Variants in SNHG17 observed in about 807,000 individuals in gnomAD.
The protein encoded by SNHG17 is small nucleolar RNA host gene 17 (non-protein coding).
intron 6 of SNHG17, chr20:38,421,668 G>C (rs984043257): frequency 4.6e-5 from 7 of 152,296 alleles, no homozygotes; most frequent in African/African-American, 1.7e-4. Context: ...TCCAGGGTTT[G>C]AAAGGGAAGG....
intron 2 of SNHG17, chr20:38,431,249 G>A (rs1223489693): frequency 6.6e-6 from 1 of 152,238 alleles, no homozygotes; most frequent in Non-Finnish European, 1.5e-5. Flanking sequence ...CTGACAGCTT[G>A]TCTAGCCCAT....
At chr20:38,430,000 T>C (rs527934580) in intron 3 of SNHG17, among the ~76,000 whole-genome samples, 1 of 152,184 alleles carries the variant, frequency 6.6e-6, no homozygotes, top group Non-Finnish European at 1.5e-5. Flanking sequence ...GGCAGAAATA[T>C]TGAGAATCCT....
intron 5 of SNHG17, among the ~76,000 whole-genome samples, chr20:38,423,021 G>C (rs2084184735): frequency 6.6e-6 from 1 of 151,854 alleles, no homozygotes; most frequent in African/African-American, 2.4e-5. Context: ...GAACCTGGGA[G>C]GTGGAGGTTG....
In SNHG17 at chr20:38,434,343, T is replaced by G. The variant is rs181211247; in HGVS notation, n.308+161A>C. Among the ~76,000 whole-genome samples, 242 of 152,342 alleles carry G rather than the reference T, an allele frequency of 1.6e-3. 3 individuals are homozygous for G. The highest frequency in any genetic ancestry group is 3.1e-3 in the South Asian group (15 of 4,828). Reference sequence around the variant, plus strand: ...GGAATGAAGGAACTTAGCTAGCATGTGACCCCAAGCGCAGCCCGTCTCCTA... The same window carrying G: ...GGAATGAAGGAACTTAGCTAGCATGGGACCCCAAGCGCAGCCCGTCTCCTA... On this transcript the variant is annotated intron_variant and non_coding_transcript_variant, in intron 2 of 8. Transcript: ENST00000654008.
chr20:38,425,983 C>A (rs1277537541), exon 5 of SNHG17: 1 of 149,254 alleles, frequency 6.7e-6, no homozygotes, highest in Admixed American at 6.8e-5. Flanking sequence ...CACTTGAGCC[C>A]AGGTCGAGGC....
chr20:38,422,816 C>T (rs1413731611), intron 5 of SNHG17, among the ~76,000 whole-genome samples: 3 of 152,124 alleles, frequency 2.0e-5, no homozygotes, highest in African/African-American at 4.8e-5. Context: ...CTTGGCCAGG[C>T]GCGGTGGCTC....
chr20:38,434,428 A>G (rs2084395786), intron 2 of SNHG17: 1 of 197,844 alleles, frequency 5.1e-6, no homozygotes, highest in Non-Finnish European at 1.0e-5. Flanking sequence ...GAACTGGCTG[A>G]GCTCATTGAC....
chr20:38,429,597 G>A (rs981378443), intron 3 of SNHG17: 1 of 425,210 alleles, frequency 2.4e-6, no homozygotes, highest in Non-Finnish European at 4.6e-6. Flanking sequence ...CTGGGCCAGG[G>A]AGAAGAGCAA....
intron 6 of SNHG17, chr20:38,421,617 T>C (rs1269918498): frequency 6.6e-6 from 1 of 152,174 alleles, no homozygotes; most frequent in Non-Finnish European, 1.5e-5. Flanking sequence ...AGGCCCAAGC[T>C]CTGAAAGCCT....
At chr20:38,427,422 T>C (rs756971512) in intron 3 of SNHG17, 3 of 517,930 alleles carry the variant, frequency 5.8e-6, no homozygotes, top group African/African-American at 5.8e-5. Flanking sequence ...AGGCAGCCTA[T>C]GATCACTTTC....
In SNHG17 at chr20:38,428,207, C is replaced by T. The variant is rs973781355; in HGVS notation, n.381-1704G>A. 5 of 152,210 alleles carry T rather than the reference C, an allele frequency of 3.3e-5. No individual in the cohort carries two copies. In the East Asian group the frequency reaches 9.6e-4, roughly 29 times the overall value. 9.4% of individuals were successfully genotyped at this position (152,210 alleles called of 1,614,324 possible). ...GCTGCTAATGCACTGCAGGAAAAGC[C>T]CCCAGCGCTCGCCCCAGGCAGCTCC... On this transcript the variant is annotated intron_variant and non_coding_transcript_variant, in intron 3 of 8. Coordinates refer to ENST00000654008, the Ensembl canonical transcript of SNHG17.
chr20:38,433,507 G>A (rs6128062), intron 2 of SNHG17, among the ~76,000 whole-genome samples: 2 of 152,140 alleles, frequency 1.3e-5, no homozygotes, highest in African/African-American at 4.8e-5. Context: ...TGAGGTGCGA[G>A]GATCACTTGA....
At chr20:38,429,728 T>C (rs2084311111) in intron 3 of SNHG17, 1 of 513,322 alleles carries the variant, frequency 1.9e-6, no homozygotes, top group Non-Finnish European at 3.9e-6. Flanking sequence ...CACGGGGAAG[T>C]GCTCTCGGCA....
chr20:38,434,337 A>G (rs1469743818), intron 2 of SNHG17, among the ~76,000 whole-genome samples: 1 of 152,194 alleles, frequency 6.6e-6, no homozygotes, highest in Non-Finnish European at 1.5e-5. Flanking sequence ...GAACTTAGCT[A>G]GCATGTGACC....
intron 3 of SNHG17, chr20:38,431,019 G>A (rs1334368347): frequency 3.9e-5 from 6 of 152,370 alleles, no homozygotes; most frequent in Non-Finnish European, 5.9e-5. Flanking sequence ...AGCTCTAGAG[G>A]ACTGAGCAGG....
chr20:38,432,562 C>T (rs2084357251), intron 2 of SNHG17, among the ~76,000 whole-genome samples: 1 of 152,156 alleles, frequency 6.6e-6, no homozygotes, highest in Non-Finnish European at 1.5e-5. Flanking sequence ...ACGGACAAGA[C>T]CGTCAAAGAG....
intron 3 of SNHG17, among the ~76,000 whole-genome samples, chr20:38,426,995 T>TACACACACAC (rs765781057): frequency 0.014 from 1,741 of 125,588 alleles, 68 homozygotes; most frequent in African/African-American, 0.046. Flanking sequence ...AAGTTACACA[T>TACACACACAC]ACACACACAC....
At chr20:38,434,434 T>C (rs1447059672) in intron 2 of SNHG17, 1 of 192,790 alleles carries the variant, frequency 5.2e-6, no homozygotes. Context: ...GCTGAGCTCA[T>C]TGACTGTCCC....
chr20:38,425,312 G>A (rs368535357), intron 5 of SNHG17: 3 of 519,038 alleles, frequency 5.8e-6, no homozygotes, highest in African/African-American at 1.9e-5. Flanking sequence ...GGCAGCCCAC[G>A]ATCACTTTCG....
Sources: allele counts gnomAD v4.1 joint callset (sites outside exome capture counted in the v4.1 genomes callset), GRCh38; gene constraint gnomAD v4.1.1; transcripts MANE v1.5; gene names NCBI Gene and HGNC (gene_info 2026-07-23, HGNC 2026-07-21).